TIAM1: variants seen among roughly 807,000 people sequenced by gnomAD.
The protein encoded by TIAM1 is rho guanine nucleotide exchange factor TIAM1.
Under a neutral mutation model 163.5 loss-of-function variants are expected in TIAM1, and 65 were observed. The observed-to-expected ratio is 0.40, with a 90% CI of 0.33 to 0.49. The LOEUF (loss-of-function observed/expected upper bound fraction) is 0.49. Among genes scored for constraint, TIAM1 ranks in the 20% least tolerant of loss-of-function variants. The pLI is 0.77. For missense variants in TIAM1, 1,789 were observed against 2,044.7 expected (o/e 0.87, Z 2.41); for synonymous variants, 833 against 810.1 (o/e 1.03, Z -0.48).
At chr21:31,336,999 G>A (rs2075862430) in intron 2 of TIAM1, among the ~76,000 whole-genome samples, 1 of 152,142 alleles carries the variant, frequency 6.6e-6, no homozygotes, top group Non-Finnish European at 1.5e-5. Flanking sequence ...GAGAATCCAA[G>A]CAACCCACCC....
intron 1 of TIAM1, among the ~76,000 whole-genome samples, chr21:31,529,527 A>G (rs1056111965): frequency 1.3e-5 from 2 of 152,172 alleles, no homozygotes; most frequent in African/African-American, 4.8e-5. Flanking sequence ...TCTCTTCTTT[A>G]TCTCTTCAAT....
At chr21:31,313,819 T>G (rs923115443) in intron 2 of TIAM1, among the ~76,000 whole-genome samples, 1 of 152,220 alleles carries the variant, frequency 6.6e-6, no homozygotes, top group Non-Finnish European at 1.5e-5. Flanking sequence ...TCAAGTAATC[T>G]GTCCGCCTCG....
chr21:31,386,983 C>T (rs1000613384), intron 2 of TIAM1, among the ~76,000 whole-genome samples: 1 of 152,010 alleles, frequency 6.6e-6, no homozygotes, highest in Non-Finnish European at 1.5e-5. Context: ...CTGGGCTGGG[C>T]ACCCATGGCC....
intron 2 of TIAM1, among the ~76,000 whole-genome samples, chr21:31,358,854 C>T (rs892473722): frequency 6.6e-5 from 10 of 152,122 alleles, no homozygotes; most frequent in African/African-American, 2.2e-4. Flanking sequence ...AGCATTCCTC[C>T]GCTCAAGGGG....
chr21:31,381,481 A>G (rs1014395039), intron 2 of TIAM1, among the ~76,000 whole-genome samples: 3 of 152,134 alleles, frequency 2.0e-5, no homozygotes, highest in African/African-American at 4.8e-5. Flanking sequence ...CAGCCTGGCC[A>G]ACATGGTGAA....
intron 27 of TIAM1, among the ~76,000 whole-genome samples, chr21:31,123,440 C>G (rs2833280): frequency 0.025 from 3,857 of 152,242 alleles, 63 homozygotes; most frequent in Non-Finnish European, 0.04. Flanking sequence ...TCAGAAAACT[C>G]AGCAAAGTGC....
chr21:31,510,949 G>A (rs1309431860), intron 1 of TIAM1, among the ~76,000 whole-genome samples: 1 of 152,150 alleles, frequency 6.6e-6, no homozygotes, highest in Admixed American at 6.5e-5. Context: ...GAAGAAAAAA[G>A]ACACAAAGAT....
chr21:31,418,341 CAAAAAAAAAAAAAA>C (rs71193114), intron 2 of TIAM1, among the ~76,000 whole-genome samples: 1 of 34,746 alleles, frequency 2.9e-5, no homozygotes, highest in Non-Finnish European at 6.1e-5. Context: ...GACTCTGTCT[CAAAAAAAAAAAAAA>C]AAAAAAAAAA....
intron 9 of TIAM1, among the ~76,000 whole-genome samples, chr21:31,215,315 G>T (rs535784277): frequency 6.6e-6 from 1 of 152,134 alleles, no homozygotes; most frequent in South Asian, 2.1e-4. Context: ...AATGGGCCAG[G>T]CGCAGTGGCT....
intron 2 of TIAM1, among the ~76,000 whole-genome samples, chr21:31,456,910 A>C (rs959358720): frequency 6.6e-6 from 1 of 152,094 alleles, no homozygotes; most frequent in Non-Finnish European, 1.5e-5. Flanking sequence ...CTTCTCTCAC[A>C]GTTGTTGTGT....
chr21:31,388,212 A>AACAC (rs11369323), intron 2 of TIAM1, among the ~76,000 whole-genome samples: 2,101 of 115,872 alleles, frequency 0.018, 37 homozygotes, highest in African/African-American at 0.042. Context: ...AGAAGACCCT[A>AACAC]ACACACACAC....
At chr21:31,288,413 G>T (rs568198337) in intron 2 of TIAM1, among the ~76,000 whole-genome samples, 1 of 152,100 alleles carries the variant, frequency 6.6e-6, no homozygotes, top group African/African-American at 2.4e-5. Context: ...TCTGATGAGG[G>T]CCTGTTCCTC....
At chr21:31,347,106 C>T (rs115742515), upstream of TIAM1, among the ~76,000 whole-genome samples, 572 of 152,278 alleles carry the variant, frequency 3.8e-3, 2 homozygotes, top group African/African-American at 0.013. Context: ...ACCTTCTTCC[C>T]TATCTCTCAG....
At chr21:31,522,614 T>A (rs2047641472) in intron 1 of TIAM1, among the ~76,000 whole-genome samples, 1 of 152,174 alleles carries the variant, frequency 6.6e-6, no homozygotes, top group South Asian at 2.1e-4. Context: ...CCCTTGTTCC[T>A]GGGCTGGGCC....
rs2086995882 is a variant in TIAM1, at chr21:31,213,456, G to T, written c.2159C>A (p.Thr720Asn). Residue 720 changes from threonine to asparagine, a missense_variant, in exon 10 of 28, where the codon ACC becomes AAC. By Grantham distance (65) the Thr-to-Asn change is moderately conservative. Coordinates refer to ENST00000541036, the MANE Select transcript of TIAM1 (RefSeq NM_001353694.2). ...CTCTAAAGATTTCTTTACAGCTTCG[G>T]TTCCCTCTCCAAACACCTGCATATA... ...PSINQVFGEG[T>N]EAVKKSLEGI... The T allele has an allele frequency of 6.2e-7, 1 of 1,613,686 alleles. No individual in the cohort carries two copies. Among genetic ancestry groups the T allele is most frequent in the African/African-American group, 1.3e-5 (1 of 74,846 alleles).
intron 1 of TIAM1, among the ~76,000 whole-genome samples, chr21:31,539,176 T>C (rs112708563): frequency 2.6e-5 from 4 of 151,932 alleles, no homozygotes; most frequent in African/African-American, 9.7e-5. Flanking sequence ...TCTTCCATTC[T>C]TAAATGGTCT....
chr21:31,385,891 TTA>T (rs1293526760), intron 2 of TIAM1, among the ~76,000 whole-genome samples: 1 of 129,724 alleles, frequency 7.7e-6, no homozygotes, highest in Non-Finnish European at 1.7e-5. Context: ...GTTAATATAA[TTA>T]TATTAGTTAA....
chr21:31,355,474 C>A (rs1602081121), intron 2 of TIAM1, among the ~76,000 whole-genome samples: 1 of 152,188 alleles, frequency 6.6e-6, no homozygotes, highest in East Asian at 1.9e-4. Context: ...ACCTCCACCC[C>A]TCATCCCTGG....
chr21:31,500,600 T>C (rs887551942), intron 1 of TIAM1, among the ~76,000 whole-genome samples: 1 of 152,138 alleles, frequency 6.6e-6, no homozygotes, highest in African/African-American at 2.4e-5. Flanking sequence ...GAGGTCACAC[T>C]GGGGCACAGC....
Sources: allele counts gnomAD v4.1 joint callset (sites outside exome capture counted in the v4.1 genomes callset), GRCh38; gene constraint gnomAD v4.1.1; transcripts MANE v1.5; gene names NCBI Gene and HGNC (gene_info 2026-07-23, HGNC 2026-07-21).